LRRK1: variants seen among roughly 807,000 people sequenced by gnomAD.
The protein encoded by LRRK1 is leucine-rich repeat serine/threonine-protein kinase 1.
In LRRK1, 113 loss-of-function variants were observed where a neutral mutation model predicts 209.1. That is an observed-to-expected ratio of 0.54 (90% CI 0.46 to 0.63). The LOEUF is 0.63. Ranked by LOEUF, LRRK1 falls within the 30% of genes least tolerant of loss-of-function variation. The pLI is 0.00. For missense variants in LRRK1, 2,284 were observed against 2,632.2 expected, an observed-to-expected ratio of 0.87 and a Z score of 2.89; for synonymous variants, 1,144 against 1,099.7, an observed-to-expected ratio of 1.04 and a Z score of -0.80.
At chr15:101,045,777 T>C (rs2035040308) in intron 20 of LRRK1, among the ~76,000 whole-genome samples, 1 of 152,234 alleles carries the variant, frequency 6.6e-6, no homozygotes, top group African/African-American at 2.4e-5. Flanking sequence ...CCAGTCTTCA[T>C]TTTCCTTTGG....
chr15:101,046,532 G>A (rs1357759030), intron 21 of LRRK1, among the ~76,000 whole-genome samples: 2 of 152,186 alleles, frequency 1.3e-5, no homozygotes, highest in East Asian at 1.9e-4. Context: ...AGGTGATGCC[G>A]CCGGCCCAGC....
At chr15:101,033,131 G>T (rs772016744) in intron 20 of LRRK1, among the ~76,000 whole-genome samples, 1 of 152,108 alleles carries the variant, frequency 6.6e-6, no homozygotes. Flanking sequence ...GCATTTCTTA[G>T]CTCACATTTC....
intron 28 of LRRK1, 107 bp from the exon 29 acceptor site, chr15:101,057,883 G>T: frequency 8.1e-7 from 1 of 1,229,380 alleles, no homozygotes; most frequent in Non-Finnish European, 1.2e-6. Context: ...TGAATGAACA[G>T]AATCCCTCAT....
In LRRK1 at chr15:100,939,955, TTTGCCAGTAGGCC is replaced by T. The variant is rs559724972; in HGVS notation, c.97+15227_97+15239del. Among the ~76,000 whole-genome samples the T allele has an allele frequency of 4.6e-3, 694 of 152,328 alleles. 4 individuals carry two copies. Among genetic ancestry groups the T allele is most frequent in the Middle Eastern group, 0.024 (7 of 294 alleles). ...TTCTTGATGCTAACGCTGTTCCTCT[TTTGCCAGTAGGCC>T]CCCTGAGTAGGTTCCTCTATCTTTT... On this transcript the variant is annotated intron_variant, in intron 2 of 33. Coordinates refer to ENST00000388948, the MANE Select transcript of LRRK1 (RefSeq NM_024652.6).
intron 27 of LRRK1, 57 bp downstream of exon 27, chr15:101,055,280 T>C (rs1344663341): frequency 1.4e-6 from 2 of 1,472,634 alleles, no homozygotes; most frequent in East Asian, 4.9e-5. Flanking sequence ...GCCCTCAGGC[T>C]AGCCGGGCAG....
intron 6 of LRRK1, among the ~76,000 whole-genome samples, chr15:100,991,996 T>C (rs1177707373): frequency 1.3e-5 from 2 of 152,208 alleles, no homozygotes. Flanking sequence ...ATAAATGATT[T>C]TGATAGATGT....
At position 101,024,745 on chromosome 15, in the gene LRRK1, T is replaced by C. The variant is rs988018990; in HGVS notation, c.2068-58T>C. ...AGAGTTATCCGTTGTCTCCGTTTGATTGACTGAAGCCTTTGTCTCTAAAAT... is the reference window on the plus strand; with the variant it reads ...AGAGTTATCCGTTGTCTCCGTTTGACTGACTGAAGCCTTTGTCTCTAAAAT... On this transcript the variant is annotated intron_variant, in intron 15 of 33. Transcript: ENST00000388948. This position sits in a 1 kb window ranked among gnomAD's most constrained non-coding sequence, Gnocchi z 4.6. 4.2e-5 allele frequency: 66 copies of C among 1,564,178 alleles called. No homozygotes were observed. In the African/African-American group the frequency reaches 8.7e-4, roughly 21 times the overall value.
In LRRK1 at chr15:101,051,712, C is replaced by T. The variant is rs116807808; in HGVS notation, c.3441C>T (p.Ala1147=). The change falls in exon 24 of 34, where the codon GCC becomes GCT. Residue 1147 remains alanine (A), a splice_region_variant and synonymous_variant. Coordinates refer to ENST00000388948, the MANE Select transcript of LRRK1 (RefSeq NM_024652.6). Reference sequence around the variant, plus strand: ...GTCTCCTGCTCTGTCCTTATTTAGCCCTGACAGCCACAGAGAGCGACGGGA... The same window carrying T: ...GTCTCCTGCTCTGTCCTTATTTAGCTCTGACAGCCACAGAGAGCGACGGGA... The part of the protein sequence containing the change: ...VNSLIDQWFP[A]LTATESDGTP... 6.2e-7 allele frequency: 1 copy of T among 1,613,496 alleles called. No individual in the cohort carries two copies. Among genetic ancestry groups the T allele is most frequent in the Non-Finnish European group, 8.5e-7 (1 of 1,179,890 alleles).
chr15:101,030,902 G>A (rs1024917887), intron 20 of LRRK1, among the ~76,000 whole-genome samples: 4 of 151,714 alleles, frequency 2.6e-5, no homozygotes, highest in South Asian at 2.1e-4. Flanking sequence ...TTTATCCCTC[G>A]CCCACCTCCC....
At chr15:101,064,221 G>A (rs1248581422) in intron 31 of LRRK1, among the ~76,000 whole-genome samples, 3 of 152,244 alleles carry the variant, frequency 2.0e-5, no homozygotes, top group African/African-American at 4.8e-5. Flanking sequence ...ATTTCGATAC[G>A]CTTTCTTAGA....
intron 20 of LRRK1, among the ~76,000 whole-genome samples, chr15:101,041,257 C>T (rs1306664119): frequency 6.6e-6 from 1 of 152,172 alleles, no homozygotes; most frequent in Non-Finnish European, 1.5e-5. Flanking sequence ...CTTCTAGTAG[C>T]AGGTTATGAT....
In LRRK1 at chr15:101,069,509, A is replaced by C. The variant is rs1206061937; in HGVS notation, c.*661A>C. 1 of 152,674 alleles carries C rather than the reference A, an allele frequency of 6.5e-6. No individual in the cohort carries two copies. Among genetic ancestry groups the C allele is most frequent in the East Asian group, 1.9e-4 (1 of 5,202 alleles). 9.5% of individuals were successfully genotyped at this position (152,674 alleles called of 1,614,324 possible). On this transcript the variant is annotated 3_prime_UTR_variant, in exon 34 of 34. Transcript: ENST00000388948. ...TAAGTGCCACCGCCAGCAAGCCCAG[A>C]GGCACACAGTCCGAGTGCACCCGCT...
At chr15:101,018,716 G>C (rs1026923150) in intron 12 of LRRK1, among the ~76,000 whole-genome samples, 1 of 152,190 alleles carries the variant, frequency 6.6e-6, no homozygotes, top group African/African-American at 2.4e-5. Flanking sequence ...CATGTGAGGG[G>C]GCCGCGCCCC....
In LRRK1 at chr15:101,027,708, A is replaced by G; in HGVS notation, c.2597A>G (p.Asp866Gly). ...CAGCAGCGCCGCAGCCGGGACGACG[A>G]CGTGCAGTACCTGACGGACAGGCAG... Reference protein sequence around the residue: ...AEQQRRSRDDDVQYLTDRQLE... With the variant: ...AEQQRRSRDDGVQYLTDRQLE... The change falls in exon 19 of 34, where the codon GAC becomes GGC. Residue 866 changes from aspartate to glycine, a missense_variant. By Grantham distance (94) the Asp-to-Gly change is moderately conservative. This residue lies in a region of LRRK1 where 780 missense variants were observed against 985.2 expected (regional missense o/e 0.79). Transcript: ENST00000388948. This position sits in a 1 kb window ranked among gnomAD's most constrained non-coding sequence, Gnocchi z 5.1. 1 of 1,612,808 alleles carries G rather than the reference A, an allele frequency of 6.2e-7. No individual in the cohort carries two copies. The highest frequency in any genetic ancestry group is 8.5e-7 in the Non-Finnish European group (1 of 1,179,636).
chr15:100,951,425 C>T (rs1451322394), intron 2 of LRRK1, among the ~76,000 whole-genome samples: 1 of 152,118 alleles, frequency 6.6e-6, no homozygotes. Context: ...TATGACCCAG[C>T]AATTCCACTC....
In LRRK1 at chr15:101,074,430, A is replaced by G. The variant is rs1020018958; in HGVS notation, c.*5582A>G. ...TAATGCTCCTTTTTCTTTATCCCAA[A>G]TCAGATAGCGTTTAGGCTCTTTTTC... On this transcript the variant is annotated 3_prime_UTR_variant, in exon 34 of 34. Transcript: ENST00000388948. 5.3e-5 allele frequency: 8 copies of G among 152,120 alleles called. No homozygotes were observed. Among genetic ancestry groups the G allele is most frequent in the Non-Finnish European group, 7.3e-5 (5 of 68,030 alleles). The allele number at this position is 152,120 out of a possible 1,614,324, so 9.4% of individuals were successfully genotyped here.
intron 2 of LRRK1, among the ~76,000 whole-genome samples, chr15:100,946,331 T>C (rs1393986904): frequency 2.6e-5 from 4 of 151,986 alleles, no homozygotes; most frequent in Non-Finnish European, 4.4e-5. Flanking sequence ...GGGGAGGAGA[T>C]TAGTTGCAGC....
rs115448209 is a variant in LRRK1, at chr15:100,969,023, G to C, written c.98-4781G>C. ...GCCCGGCTAATTTTTAAAATGTTTT[G>C]TAGAGACAGGGTCTACTTGTTTCCC... On this transcript the variant is annotated intron_variant, in intron 2 of 33. Transcript: ENST00000388948. Among the ~76,000 whole-genome samples the C allele has an allele frequency of 7.7e-3, 1,165 of 152,042 alleles. 19 individuals are homozygous for C. The highest frequency in any genetic ancestry group is 0.026 in the African/African-American group (1,075 of 41,444).
At chr15:101,042,440 A>G (rs1264930757) in intron 20 of LRRK1, among the ~76,000 whole-genome samples, 1 of 151,774 alleles carries the variant, frequency 6.6e-6, no homozygotes, top group Non-Finnish European at 1.5e-5. Context: ...CTCTCATGTG[A>G]TCAAGGATGC....
Sources: allele counts gnomAD v4.1 joint callset (sites outside exome capture counted in the v4.1 genomes callset), GRCh38; gene constraint gnomAD v4.1.1; regional missense constraint gnomAD v4.1.1; non-coding constraint Gnocchi (gnomAD v3.1); transcripts MANE v1.5; gene names NCBI Gene and HGNC (gene_info 2026-07-23, HGNC 2026-07-21).